Variants in HDAC9 observed in about 807,000 individuals in gnomAD.
The protein encoded by HDAC9 is MEF-2 interacting transcription repressor (MITR) protein.
HDAC9 carries 41 observed loss-of-function variants against 139.4 expected under a neutral mutation model. The ratio of observed to expected loss-of-function variants is 0.29; its 90% CI spans 0.23 to 0.38. HDAC9 has a LOEUF of 0.38. HDAC9 is among the 10% of genes least tolerant of loss of function. The probability of loss-of-function intolerance (pLI) is 1.00; values close to 1 mark genes in which losing one functional copy is unlikely to be tolerated. For synonymous variants in HDAC9, 517 were observed against 476.2 expected (o/e 1.09, Z -1.12); for missense variants, 1,147 against 1,297.0 (o/e 0.88, Z 1.78).
At chr7:18,233,667 T>C (rs1215928416) in intron 2 of HDAC9, among the ~76,000 whole-genome samples, 1 of 152,144 alleles carries the variant, frequency 6.6e-6, no homozygotes, top group Non-Finnish European at 1.5e-5. Flanking sequence ...TCAGCAATAT[T>C]CTATAGCCTG....
chr7:18,980,745 CCTTCTTCTTCTTCCTTCTTCTT>C (rs1563103290), intron 25 of HDAC9, among the ~76,000 whole-genome samples: 1 of 32,680 alleles, frequency 3.1e-5, no homozygotes, highest in African/African-American at 9.5e-5. Context: ...TCTTCTTCTT[CCTTCTTCTTCTTCCTTCTTCTT>C]CTTCTTCTTC....
At chr7:18,420,737 G>A (rs1331592623) in intron 1 of HDAC9, among the ~76,000 whole-genome samples, 1 of 152,002 alleles carries the variant, frequency 6.6e-6, no homozygotes, top group Non-Finnish European at 1.5e-5. Flanking sequence ...TTGGGGGAGG[G>A]GCTTAAATAA....
intron 6 of HDAC9, among the ~76,000 whole-genome samples, chr7:18,597,801 A>G (rs1832887138): frequency 6.6e-6 from 1 of 152,160 alleles, no homozygotes; most frequent in African/African-American, 2.4e-5. Flanking sequence ...AGCTGGCTAG[A>G]TTAACCTCTT....
rs368091834 is a variant in HDAC9, at chr7:18,612,617, A to G, written c.665-16733A>G. ...GAACTCTGTGATACGGAAGGCAGGA[A>G]GAGGAATAAAATGTTGGCTATTTCA... On this transcript the variant is annotated intron_variant, in intron 6 of 25. Transcript: ENST00000686413. 3.3e-5 allele frequency among the ~76,000 whole-genome samples: 5 copies of G among 151,942 alleles called. No individual in the cohort carries two copies. In the East Asian group the frequency reaches 9.7e-4, roughly 29 times the overall value.
Position 18,153,758 on chromosome 7 carries a change from G to A in HDAC9, c.-96-8471G>A, listed in dbSNP as rs189125868. Among the ~76,000 whole-genome samples, 646 of 152,314 alleles carry A rather than the reference G, an allele frequency of 4.2e-3. 16 individuals carry two copies. The highest frequency in any genetic ancestry group is 0.037 in the Admixed American group (566 of 15,300). On this transcript the variant is annotated intron_variant, in intron 1 of 12. Coordinates refer to the HDAC9 transcript ENST00000417496. Reference sequence around the variant, plus strand: ...GAGGGATAAGGAGTAAACAGAATCAGTGCCAATGTGGGTCTTGGCTGGGGA... The same window carrying A: ...GAGGGATAAGGAGTAAACAGAATCAATGCCAATGTGGGTCTTGGCTGGGGA...
At chr7:18,672,753 A>G (rs801527) in intron 12 of HDAC9, among the ~76,000 whole-genome samples, 3,972 of 152,114 alleles carry the variant, frequency 0.026, 192 homozygotes, top group African/African-American at 0.091. Context: ...ATATTCTTCT[A>G]TGCATTTAAA....
intron 1 of HDAC9, among the ~76,000 whole-genome samples, chr7:18,404,345 GA>G (rs1787815279): frequency 6.6e-6 from 1 of 151,876 alleles, no homozygotes; most frequent in Non-Finnish European, 1.5e-5. Context: ...TTTTTAAAGG[GA>G]AAAATAATAA....
chr7:18,668,499 A>G (rs773471792), intron 12 of HDAC9: 256 of 979,184 alleles, frequency 2.6e-4, no homozygotes, highest in Middle Eastern at 5.2e-4. Context: ...AGACTTTTGT[A>G]TAATATTACT....
chr7:18,509,971 A>G (rs1800969028), intron 2 of HDAC9, among the ~76,000 whole-genome samples: 1 of 152,172 alleles, frequency 6.6e-6, no homozygotes, highest in South Asian at 2.1e-4. Context: ...TTTTAGATAA[A>G]TGAATGATTA....
intron 1 of HDAC9, among the ~76,000 whole-genome samples, chr7:18,114,784 T>G (rs1216225188): frequency 6.6e-6 from 1 of 152,204 alleles, no homozygotes; most frequent in Non-Finnish European, 1.5e-5. Context: ...ATAATACTTT[T>G]TATATCTGAA....
intron 12 of HDAC9, among the ~76,000 whole-genome samples, chr7:18,706,160 C>CCTTTTTTTTTTT (rs1783892263): frequency 1.2e-5 from 1 of 86,750 alleles, no homozygotes; most frequent in African/African-American, 4.2e-5. Context: ...GAAAGTTTTC[C>CCTTTTTTTTTTT]TTTTTTTTTT....
At chr7:18,482,829 C>T (rs982453131) in intron 1 of HDAC9, among the ~76,000 whole-genome samples, 3 of 152,160 alleles carry the variant, frequency 2.0e-5, no homozygotes, top group African/African-American at 2.4e-5. Flanking sequence ...TGGTCATGCC[C>T]ACTTTGTGTG....
chr7:18,977,490 T>C (rs1207101187), intron 25 of HDAC9, among the ~76,000 whole-genome samples: 2 of 152,218 alleles, frequency 1.3e-5, no homozygotes, highest in African/African-American at 4.8e-5. Flanking sequence ...AGTGATGTTA[T>C]GAGCCTCAAG....
chr7:18,608,174 G>A (rs1400010413), intron 6 of HDAC9, among the ~76,000 whole-genome samples: 1 of 152,044 alleles, frequency 6.6e-6, no homozygotes, highest in Non-Finnish European at 1.5e-5. Flanking sequence ...TAAATTAAGA[G>A]ATAGAAAATA....
intron 25 of HDAC9, among the ~76,000 whole-genome samples, chr7:18,992,736 T>C (rs1281380608): frequency 2.0e-5 from 3 of 152,220 alleles, no homozygotes; most frequent in Non-Finnish European, 4.4e-5. Flanking sequence ...AATTATCTTA[T>C]GGCTGTTGGA....
chr7:18,443,257 T>C (rs1302350302), intron 1 of HDAC9, among the ~76,000 whole-genome samples: 1 of 152,184 alleles, frequency 6.6e-6, no homozygotes, highest in Non-Finnish European at 1.5e-5. Flanking sequence ...ATAAATTATA[T>C]TTTATCATTA....
chr7:18,330,103 G>T (rs1472194346), intron 1 of HDAC9, among the ~76,000 whole-genome samples: 1 of 151,510 alleles, frequency 6.6e-6, no homozygotes, highest in African/African-American at 2.4e-5. Flanking sequence ...TTTTGCAGAT[G>T]TTCTAGTTAT....
intron 22 of HDAC9, among the ~76,000 whole-genome samples, chr7:18,914,148 G>C (rs1261163735): frequency 6.6e-6 from 1 of 151,672 alleles, no homozygotes; most frequent in Non-Finnish European, 1.5e-5. Flanking sequence ...AGGACGTGGT[G>C]ACAAGGTGCT....
chr7:18,705,868 ATAAAAT>A (rs1562868589), intron 12 of HDAC9, among the ~76,000 whole-genome samples: 11 of 142,612 alleles, frequency 7.7e-5, no homozygotes, highest in South Asian at 2.2e-4. Context: ...AAAAAATAAA[ATAAAAT>A]AAAATAAAAG....
Sources: allele counts gnomAD v4.1 joint callset (sites outside exome capture counted in the v4.1 genomes callset), GRCh38; gene constraint gnomAD v4.1.1; transcripts MANE v1.5; gene names NCBI Gene and HGNC (gene_info 2026-07-23, HGNC 2026-07-21).